ABR: variants seen among roughly 807,000 people sequenced by gnomAD.
The protein encoded by ABR is active breakpoint cluster region-related protein.
In ABR, 35 loss-of-function variants were observed where a neutral mutation model predicts 107.2. The ratio of observed to expected loss-of-function variants is 0.33; its 90% CI spans 0.25 to 0.43. ABR has a LOEUF of 0.43. Among genes scored for constraint, ABR ranks in the 20% least tolerant of loss-of-function variants. The pLI is 1.00. For missense variants in ABR, 815 were observed against 1,115.2 expected (o/e 0.73, Z 3.83); for synonymous variants, 498 against 462.0 (o/e 1.08, Z -1.00).
chr17:1,014,494 C>CT (rs746594388), intron 16 of ABR, among the ~76,000 whole-genome samples: 3 of 151,606 alleles, frequency 2.0e-5, no homozygotes, highest in South Asian at 2.1e-4. Flanking sequence ...AGCTATAGGG[C>CT]TAATATTACC....
chr17:1,082,215 T>C (rs2036285083), intron 5 of ABR, among the ~76,000 whole-genome samples: 1 of 152,168 alleles, frequency 6.6e-6, no homozygotes, highest in Non-Finnish European at 1.5e-5. Context: ...TGCCCTGAGC[T>C]GGGGGCTGTT....
At chr17:1,136,482 G>C (rs2040072038) in intron 1 of ABR, among the ~76,000 whole-genome samples, 1 of 152,118 alleles carries the variant, frequency 6.6e-6, no homozygotes, top group Admixed American at 6.6e-5. Flanking sequence ...ACCCACCTCG[G>C]CCTCCCACAG....
At chr17:1,034,238 C>T (rs939604953) in intron 16 of ABR, among the ~76,000 whole-genome samples, 4 of 152,096 alleles carry the variant, frequency 2.6e-5, no homozygotes, top group Non-Finnish European at 2.9e-5. Flanking sequence ...CAGGCATGAA[C>T]CACTGCACCT....
chr17:1,220,353 A>G (rs886173367), intron 1 of ABR, among the ~76,000 whole-genome samples: 1 of 152,158 alleles, frequency 6.6e-6, no homozygotes, highest in African/African-American at 2.4e-5. Context: ...CGTGAGGTCC[A>G]GGCAGCCTCC....
At chr17:1,038,432 G>A (rs939435036) in intron 16 of ABR, among the ~76,000 whole-genome samples, 4 of 152,220 alleles carry the variant, frequency 2.6e-5, no homozygotes, top group Admixed American at 6.5e-5. Context: ...CTGTGGGTTC[G>A]CCCTGGCAGC....
intron 4 of ABR, 154 bp from the exon 5 acceptor site, chr17:1,083,781 T>G (rs865926859): frequency 1.7e-5 from 11 of 654,082 alleles, no homozygotes; most frequent in Non-Finnish European, 3.0e-5. Context: ...GGGATGAACA[T>G]ATTACAGTGT....
At chr17:1,079,152 C>A in intron 6 of ABR, 178 bp downstream of exon 6, 1 of 1,447,566 alleles carries the variant, frequency 6.9e-7, no homozygotes, top group Non-Finnish European at 9.1e-7. Context: ...AGGCTAGAGT[C>A]CTCGCGTGCG....
chr17:1,209,892 A>G (rs11656031), intron 1 of ABR, among the ~76,000 whole-genome samples: 1,558 of 152,334 alleles, frequency 0.01, 13 homozygotes, highest in South Asian at 0.033. Flanking sequence ...ATCAAAGTCC[A>G]GCAGGTATCC....
chr17:1,146,742 C>T (rs2040554560), intron 1 of ABR, among the ~76,000 whole-genome samples: 1 of 150,092 alleles, frequency 6.7e-6, no homozygotes, highest in Non-Finnish European at 1.5e-5. Context: ...CACACGACAC[C>T]ACTGCCACCA....
Position 1,109,606 on chromosome 17 carries a change from G to GA in ABR, c.247-8872dup, listed in dbSNP as rs563376764. Among the ~76,000 whole-genome samples the GA allele has an allele frequency of 1.0e-3, 157 of 152,078 alleles. 1 individual carries two copies. The highest frequency in any genetic ancestry group is 3.5e-3 in the African/African-American group (147 of 41,524). ...GCATCTTCATTCCCCGCGCGCGGCC[G>GA]AGCCAGGAGCCCGGCGAGCAGGGGC... On this transcript the variant is annotated intron_variant, in intron 2 of 22. Transcript: ENST00000302538.
intron 4 of ABR, among the ~76,000 whole-genome samples, chr17:1,090,356 CGTCGAGGTTTCAGTGACTCTCTCCCCTCT>C (rs1208193169): frequency 6.6e-6 from 1 of 151,286 alleles, no homozygotes; most frequent in African/African-American, 2.4e-5. Flanking sequence ...CTGAAGGGGC[CGTCGAGGTTTCAGTGACTCTCTCCCCTCT>C]AAGGAGAGGT....
chr17:1,059,242 C>G (rs1235442530), intron 10 of ABR, among the ~76,000 whole-genome samples: 1 of 152,138 alleles, frequency 6.6e-6, no homozygotes, highest in Non-Finnish European at 1.5e-5. Context: ...CCAGGGCTGC[C>G]GACATAACGG....
At chr17:1,171,279 T>G (rs2151598489) in intron 1 of ABR, among the ~76,000 whole-genome samples, 1 of 152,308 alleles carries the variant, frequency 6.6e-6, no homozygotes, top group South Asian at 2.1e-4. Context: ...CAGGAGCCGC[T>G]GCCCAGGAGG....
chr17:1,097,076 T>C (rs1275981811), intron 3 of ABR, among the ~76,000 whole-genome samples: 1 of 152,156 alleles, frequency 6.6e-6, no homozygotes, highest in East Asian at 1.9e-4. Flanking sequence ...GGGCATGAGC[T>C]GTTAGAAAGG....
chr17:1,136,567 T>A (rs745556225), intron 1 of ABR, among the ~76,000 whole-genome samples: 35 of 152,218 alleles, frequency 2.3e-4, no homozygotes, highest in Non-Finnish European at 4.7e-4. Flanking sequence ...TCCTTTACAG[T>A]CTTTGCTACA....
chr17:1,172,095 G>A (rs1358660423), intron 1 of ABR, among the ~76,000 whole-genome samples: 3 of 152,230 alleles, frequency 2.0e-5, no homozygotes, highest in African/African-American at 2.4e-5. Flanking sequence ...GGGGAGGAAG[G>A]AAGGGCAGGA....
At chr17:1,143,091 A>T (rs1002817483) in intron 1 of ABR, among the ~76,000 whole-genome samples, 1 of 20,378 alleles carries the variant, frequency 4.9e-5, no homozygotes, top group Non-Finnish European at 8.3e-5. Context: ...GGGACAGCTC[A>T]TTCCTGGGGG....
chr17:1,063,079 C>G (rs2034232554), intron 10 of ABR, among the ~76,000 whole-genome samples: 2 of 142,168 alleles, frequency 1.4e-5, no homozygotes, highest in Non-Finnish European at 3.2e-5. Flanking sequence ...GCATGTTCCT[C>G]TAGACACTGC....
At chr17:1,223,316 CA>C in intron 1 of ABR, among the ~76,000 whole-genome samples, 1 of 151,950 alleles carries the variant, frequency 6.6e-6, no homozygotes, top group South Asian at 2.1e-4. Flanking sequence ...CACACACACA[CA>C]CACACACACA....
Sources: gnomAD v4.1 joint callset for allele counts (sites outside exome capture counted in the v4.1 genomes callset) on GRCh38, gnomAD v4.1.1 for gene constraint, MANE v1.5 for transcripts, NCBI Gene and HGNC (gene_info 2026-07-23, HGNC 2026-07-21) for gene names.